The following SNTG1 variants were observed in gnomAD, a reference collection of about 807,000 sequenced individuals.
The protein encoded by SNTG1 is syntrophin gamma 1.
SNTG1 carries 39 observed loss-of-function variants against 74.7 expected under a neutral mutation model. That is an observed-to-expected ratio of 0.52 (90% CI 0.40 to 0.68). The LOEUF (loss-of-function observed/expected upper bound fraction) is 0.68, where lower values mean the gene tolerates loss of function less well. SNTG1 is among the 30% of genes least tolerant of loss of function. SNTG1 has a pLI of 0.00. For missense variants in SNTG1, 685 were observed against 609.5 expected, an observed-to-expected ratio of 1.12 and a Z score of -1.30; for synonymous variants, 254 against 217.1, an observed-to-expected ratio of 1.17 and a Z score of -1.49.
intron 15 of SNTG1, among the ~76,000 whole-genome samples, chr8:50,681,792 T>G (rs556523350): frequency 3.3e-5 from 5 of 152,302 alleles, no homozygotes; most frequent in African/African-American, 1.2e-4. Context: ...TATTCAGAGC[T>G]CTCCCTTGCA....
intron 4 of SNTG1, among the ~76,000 whole-genome samples, chr8:50,429,310 A>G (rs1440158585): frequency 6.6e-6 from 1 of 152,164 alleles, no homozygotes; most frequent in Non-Finnish European, 1.5e-5. Context: ...TCAGTGGAAT[A>G]GAATTGAGAG....
intron 1 of SNTG1, among the ~76,000 whole-genome samples, chr8:49,975,280 C>G (rs948131068): frequency 1.3e-5 from 2 of 152,134 alleles, no homozygotes; most frequent in African/African-American, 4.8e-5. Context: ...TTTTTTCATT[C>G]TTCTTTACCT....
chr8:50,747,208 T>A (rs1195291997), intron 17 of SNTG1, among the ~76,000 whole-genome samples: 2 of 151,930 alleles, frequency 1.3e-5, no homozygotes, highest in East Asian at 3.9e-4. Context: ...TAGGCCTATA[T>A]AAATTGAAAA....
intron 1 of SNTG1, among the ~76,000 whole-genome samples, chr8:50,091,013 C>G (rs1279703534): frequency 6.6e-6 from 1 of 152,074 alleles, no homozygotes; most frequent in South Asian, 2.1e-4. Flanking sequence ...TCACAAGAAT[C>G]TTAATGGACC....
intron 2 of SNTG1, among the ~76,000 whole-genome samples, chr8:50,281,752 AACATTGGT>A (rs777237125): frequency 6.6e-5 from 10 of 152,216 alleles, no homozygotes; most frequent in Non-Finnish European, 1.5e-4. Context: ...TAATCATAGT[AACATTGGT>A]TTCTTTGCAA....
At chr8:50,487,862 A>T (rs991090784) in intron 8 of SNTG1, among the ~76,000 whole-genome samples, 26 of 152,152 alleles carry the variant, frequency 1.7e-4, no homozygotes, top group Admixed American at 1.7e-3. Context: ...AAAAAAAAAG[A>T]AGTCTCTAGA....
intron 1 of SNTG1, among the ~76,000 whole-genome samples, chr8:50,052,851 A>G (rs1819691038): frequency 6.6e-6 from 1 of 152,114 alleles, no homozygotes; most frequent in Non-Finnish European, 1.5e-5. Flanking sequence ...TTAAAATCAA[A>G]ACCACATTGA....
intron 8 of SNTG1, among the ~76,000 whole-genome samples, chr8:50,475,606 G>A (rs1391417508): frequency 1.3e-5 from 2 of 152,094 alleles, no homozygotes; most frequent in East Asian, 1.9e-4. Flanking sequence ...TCTCTTTACC[G>A]GCCTCCCAGT....
intron 8 of SNTG1, among the ~76,000 whole-genome samples, chr8:50,485,319 A>G (rs938380654): frequency 6.6e-6 from 1 of 152,230 alleles, no homozygotes; most frequent in Non-Finnish European, 1.5e-5. Flanking sequence ...GGCCAAAAAA[A>G]CACTTTGAAT....
chr8:49,976,665 C>A (rs1303811698), intron 1 of SNTG1, among the ~76,000 whole-genome samples: 4 of 152,074 alleles, frequency 2.6e-5, no homozygotes, highest in African/African-American at 9.7e-5. Flanking sequence ...ACCAACCATA[C>A]CAGGATTAGA....
intron 8 of SNTG1, among the ~76,000 whole-genome samples, chr8:50,485,209 A>C (rs2093780370): frequency 6.6e-6 from 1 of 152,188 alleles, no homozygotes; most frequent in Admixed American, 6.5e-5. Flanking sequence ...TTGTGTGGGC[A>C]GGGTTGCCCA....
At chr8:50,598,057 T>G (rs918605066) in intron 13 of SNTG1, among the ~76,000 whole-genome samples, 3 of 148,604 alleles carry the variant, frequency 2.0e-5, no homozygotes, top group African/African-American at 7.6e-5. Flanking sequence ...TTGTTTTTTG[T>G]TTTTTTTTAG....
At chr8:50,684,203 A>T (rs992284092) in intron 15 of SNTG1, among the ~76,000 whole-genome samples, 1 of 152,142 alleles carries the variant, frequency 6.6e-6, no homozygotes, top group Non-Finnish European at 1.5e-5. Flanking sequence ...CTGGATAGCT[A>T]TTTCTCTGGA....
intron 1 of SNTG1, among the ~76,000 whole-genome samples, chr8:49,985,924 G>T (rs545389409): frequency 7.6e-4 from 116 of 152,068 alleles, no homozygotes; most frequent in African/African-American, 2.7e-3. Context: ...ATGTATCAAA[G>T]GTTTCATAGA....
chr8:50,649,986 C>CT (rs910627366), intron 13 of SNTG1, among the ~76,000 whole-genome samples: 169 of 146,968 alleles, frequency 1.1e-3, no homozygotes, highest in African/African-American at 3.7e-3. Context: ...CATTTAATTT[C>CT]TTTTTTTTTT....
intron 13 of SNTG1, among the ~76,000 whole-genome samples, 178 bp downstream of exon 13, chr8:50,591,095 A>T (rs1585780083): frequency 1.3e-5 from 2 of 152,066 alleles, no homozygotes; most frequent in East Asian, 3.8e-4. Context: ...TGGTTCCTCT[A>T]CTTATATTAA....
At chr8:50,595,150 C>T (rs1451785520) in intron 13 of SNTG1, among the ~76,000 whole-genome samples, 2 of 151,686 alleles carry the variant, frequency 1.3e-5, no homozygotes, top group Non-Finnish European at 2.9e-5. Context: ...GAGAAAGAAA[C>T]TCTCCTAGTT....
intron 1 of SNTG1, among the ~76,000 whole-genome samples, chr8:50,111,940 CA>C (rs1022700429): frequency 3.3e-5 from 5 of 151,448 alleles, no homozygotes; most frequent in South Asian, 2.1e-4. Flanking sequence ...TACTTTAGGC[CA>C]AAAAAATAGC....
intron 1 of SNTG1, among the ~76,000 whole-genome samples, chr8:49,919,771 T>A (rs975226813): frequency 1.3e-5 from 2 of 152,124 alleles, no homozygotes; most frequent in Non-Finnish European, 1.5e-5. Flanking sequence ...TAGTTTTAAA[T>A]GATATTTCCT....
Sources: allele counts gnomAD v4.1 joint callset (sites outside exome capture counted in the v4.1 genomes callset), GRCh38; gene constraint gnomAD v4.1.1; transcripts MANE v1.5; gene names NCBI Gene and HGNC (gene_info 2026-07-23, HGNC 2026-07-21).